LCLAT1: variants seen among roughly 807,000 people sequenced by gnomAD.
LCLAT1 encodes the protein 1-AGP acyltransferase 8.
Under a neutral mutation model 30.7 loss-of-function variants are expected in LCLAT1, and 11 were observed. That is an observed-to-expected ratio of 0.36 (90% CI 0.23 to 0.59). The LOEUF is 0.59. Ranked by LOEUF, LCLAT1 falls within the 20% of genes least tolerant of loss-of-function variation. The pLI is 0.77. For synonymous variants in LCLAT1, 155 were observed against 151.3 expected (o/e 1.02, Z -0.18); for missense variants, 402 against 458.6 (o/e 0.88, Z 1.13).
chr2:30,494,489 A>G (rs1393926428), intron 1 of LCLAT1, among the ~76,000 whole-genome samples: 3 of 152,176 alleles, frequency 2.0e-5, no homozygotes, highest in Non-Finnish European at 4.4e-5. Context: ...GGTTATGATT[A>G]TTAAATGCTA....
At chr2:30,576,805 T>C (rs1666009085) in intron 5 of LCLAT1, among the ~76,000 whole-genome samples, 1 of 152,064 alleles carries the variant, frequency 6.6e-6, no homozygotes, top group Non-Finnish European at 1.5e-5. Context: ...TTCTTCCTAA[T>C]TCAAAATATT....
At chr2:30,565,218 G>A (rs1353882101) in intron 4 of LCLAT1, among the ~76,000 whole-genome samples, 1 of 152,170 alleles carries the variant, frequency 6.6e-6, no homozygotes, top group African/African-American at 2.4e-5. Context: ...GTAAGTCCAC[G>A]ATCTGTAGGG....
At chr2:30,617,704 A>G (rs1289257169) in intron 5 of LCLAT1, among the ~76,000 whole-genome samples, 1 of 152,040 alleles carries the variant, frequency 6.6e-6, no homozygotes, top group East Asian at 1.9e-4. Context: ...TTAGAATCTT[A>G]TTGTGGTTTT....
intron 1 of LCLAT1, among the ~76,000 whole-genome samples, chr2:30,513,589 G>A (rs1192145833): frequency 6.6e-6 from 1 of 151,916 alleles, no homozygotes; most frequent in Non-Finnish European, 1.5e-5. Flanking sequence ...CTGCAGTTTT[G>A]GATTCTTTTC....
At chr2:30,502,668 C>T (rs72856642) in intron 1 of LCLAT1, among the ~76,000 whole-genome samples, 4,718 of 152,318 alleles carry the variant, frequency 0.031, 225 homozygotes, top group African/African-American at 0.11. Context: ...ATAGTGTTTT[C>T]AAAGTCCATC....
At chr2:30,611,124 G>A (rs1667717419) in intron 5 of LCLAT1, among the ~76,000 whole-genome samples, 1 of 146,558 alleles carries the variant, frequency 6.8e-6, no homozygotes, top group African/African-American at 2.5e-5. Context: ...AGACTCATTA[G>A]CATTTTTCTT....
chr2:30,537,639 G>A (rs1445295033), intron 3 of LCLAT1, among the ~76,000 whole-genome samples: 1 of 151,956 alleles, frequency 6.6e-6, no homozygotes, highest in Non-Finnish European at 1.5e-5. Flanking sequence ...AATAGTTGAG[G>A]ACTTCAGCAC....
chr2:30,556,865 C>T (rs889124453), intron 3 of LCLAT1, among the ~76,000 whole-genome samples: 7 of 152,044 alleles, frequency 4.6e-5, no homozygotes, highest in Non-Finnish European at 7.4e-5. Context: ...CTGCCTCAGC[C>T]TCCCAAATAG....
chr2:30,545,127 A>G (rs1395569298), intron 3 of LCLAT1, among the ~76,000 whole-genome samples: 1 of 152,180 alleles, frequency 6.6e-6, no homozygotes, highest in African/African-American at 2.4e-5. Context: ...GCAAACAAAT[A>G]CAGAGTAATT....
intron 1 of LCLAT1, among the ~76,000 whole-genome samples, chr2:30,461,175 C>G (rs1682103261): frequency 6.6e-6 from 1 of 152,124 alleles, no homozygotes; most frequent in Non-Finnish European, 1.5e-5. Flanking sequence ...TGAGGGCAGT[C>G]TTGTTGGAAA....
intron 5 of LCLAT1, among the ~76,000 whole-genome samples, chr2:30,586,735 A>G (rs1666458838): frequency 6.6e-6 from 1 of 152,014 alleles, no homozygotes; most frequent in Admixed American, 6.6e-5. Flanking sequence ...CATCCTCAAC[A>G]TCTTGTCCCT....
chr2:30,474,771 C>T (rs1457562260), intron 1 of LCLAT1, among the ~76,000 whole-genome samples: 1 of 148,728 alleles, frequency 6.7e-6, no homozygotes, highest in Non-Finnish European at 1.5e-5. Context: ...GGCACAGCCT[C>T]CTGTGTAGTT....
intron 5 of LCLAT1, among the ~76,000 whole-genome samples, chr2:30,579,978 G>T (rs758728328): frequency 6.6e-6 from 1 of 152,032 alleles, no homozygotes; most frequent in African/African-American, 2.4e-5. Context: ...TGAGACTTCT[G>T]CATGAATTAT....
intron 5 of LCLAT1, among the ~76,000 whole-genome samples, chr2:30,592,902 CATTT>C (rs1374106915): frequency 1.3e-5 from 2 of 152,190 alleles, no homozygotes; most frequent in African/African-American, 4.8e-5. Flanking sequence ...TCACCTCAAA[CATTT>C]ATCTTTTCAC....
intron 1 of LCLAT1, among the ~76,000 whole-genome samples, chr2:30,491,662 T>C (rs1683837638): frequency 6.6e-6 from 1 of 152,232 alleles, no homozygotes; most frequent in African/African-American, 2.4e-5. Flanking sequence ...TATATTTTGC[T>C]TGTAGATTTA....
At chr2:30,488,110 C>A (rs62139608) in intron 1 of LCLAT1, among the ~76,000 whole-genome samples, 74,720 of 152,006 alleles carry the variant, frequency 0.49, 19,425 homozygotes, top group Non-Finnish European at 0.57. Flanking sequence ...CAGCATCAAC[C>A]CAGGGAAAAA....
chr2:30,499,772 A>C (rs1410799057), intron 1 of LCLAT1, among the ~76,000 whole-genome samples: 2 of 152,218 alleles, frequency 1.3e-5, no homozygotes, highest in Non-Finnish European at 2.9e-5. Flanking sequence ...AACATCCTGC[A>C]AGTACCAATT....
chr2:30,448,260 A>G (rs1439017968), intron 1 of LCLAT1, among the ~76,000 whole-genome samples: 1 of 152,248 alleles, frequency 6.6e-6, no homozygotes, highest in Admixed American at 6.5e-5. Flanking sequence ...TATTCATATC[A>G]TTAACTTATT....
chr2:30,566,942 A>G (rs990583381), intron 4 of LCLAT1, among the ~76,000 whole-genome samples: 1 of 152,210 alleles, frequency 6.6e-6, no homozygotes, highest in South Asian at 2.1e-4. Flanking sequence ...TCATGTGCCC[A>G]TTTTGTTATG....
Sources: gnomAD v4.1 joint callset for allele counts (sites outside exome capture counted in the v4.1 genomes callset) on GRCh38, gnomAD v4.1.1 for gene constraint, MANE v1.5 for transcripts, NCBI Gene and HGNC (gene_info 2026-07-23, HGNC 2026-07-21) for gene names.